The following SORL1 variants were observed in gnomAD, a reference collection of about 807,000 sequenced individuals.
SORL1 encodes the protein sortilin-related receptor.
SORL1 carries 127 observed loss-of-function variants against 273.7 expected under a neutral mutation model. That is an observed-to-expected ratio of 0.46 (90% CI 0.40 to 0.54). SORL1 has a LOEUF of 0.54. SORL1 is among the 20% of genes least tolerant of loss of function. The pLI is 0.00. For missense variants in SORL1, 2,494 were observed against 2,846.1 expected, an observed-to-expected ratio of 0.88 and a Z score of 2.81; for synonymous variants, 1,031 against 1,067.4, an observed-to-expected ratio of 0.97 and a Z score of 0.66.
chr11:121,551,883 C>G (rs1292101208), intron 16 of SORL1, among the ~76,000 whole-genome samples: 1 of 152,206 alleles, frequency 6.6e-6, no homozygotes, highest in African/African-American at 2.4e-5. Flanking sequence ...AGATAATATT[C>G]AAATATTTCC....
intron 14 of SORL1, among the ~76,000 whole-genome samples, chr11:121,548,543 T>C (rs1355151379): frequency 6.6e-6 from 1 of 152,204 alleles, no homozygotes; most frequent in Non-Finnish European, 1.5e-5. Context: ...CAGAAATGTT[T>C]AATGAATATT....
intron 6 of SORL1, among the ~76,000 whole-genome samples, chr11:121,502,486 C>T (rs1861726637): frequency 6.6e-6 from 1 of 152,128 alleles, no homozygotes; most frequent in South Asian, 2.1e-4. Context: ...TTTTCCAAAA[C>T]TATTGTACCA....
intron 18 of SORL1, among the ~76,000 whole-genome samples, chr11:121,556,489 A>G (rs556626357): frequency 3.3e-5 from 5 of 152,094 alleles, no homozygotes; most frequent in Non-Finnish European, 5.9e-5. Context: ...CTCGGTGGTT[A>G]TGTTATTGCT....
intron 3 of SORL1, among the ~76,000 whole-genome samples, chr11:121,478,873 T>G (rs1363554449): frequency 6.6e-6 from 1 of 151,824 alleles, no homozygotes; most frequent in African/African-American, 2.4e-5. Flanking sequence ...TATGCACATA[T>G]GGGTACCTGT....
chr11:121,611,046 T>G (rs1394708507), intron 38 of SORL1, 30 bp from the exon 39 acceptor site: 1 of 1,515,532 alleles, frequency 6.6e-7, no homozygotes, highest in Admixed American at 1.7e-5. Flanking sequence ...ATCACGTGGC[T>G]TCTGTTTTTG....
At chr11:121,529,449 T>C (rs759360963) in intron 11 of SORL1, among the ~76,000 whole-genome samples, 2 of 152,218 alleles carry the variant, frequency 1.3e-5, no homozygotes, top group Non-Finnish European at 2.9e-5. Context: ...ACTCCTGACC[T>C]CAAGTGATCC....
At chr11:121,577,080 C>T (rs1054591029) in intron 24 of SORL1, 1 of 1,104,822 alleles carries the variant, frequency 9.1e-7, no homozygotes, top group Non-Finnish European at 1.3e-6. Context: ...AATCTCAGCC[C>T]ACCTGTAACC....
At chr11:121,569,945 T>A (rs1862812935) in intron 22 of SORL1, among the ~76,000 whole-genome samples, 2 of 152,308 alleles carry the variant, frequency 1.3e-5, no homozygotes, top group Middle Eastern at 3.4e-3. Flanking sequence ...TCTCTTTTTT[T>A]ACGCTGTCCC....
chr11:121,598,003 G>A (rs921076088), intron 32 of SORL1, among the ~76,000 whole-genome samples: 5 of 152,164 alleles, frequency 3.3e-5, no homozygotes, highest in African/African-American at 1.2e-4. Context: ...AAGGCTCAGA[G>A]GCATAAGAAA....
intron 12 of SORL1, 127 bp from the exon 13 acceptor site, chr11:121,543,421 C>A: frequency 1.4e-6 from 1 of 712,874 alleles, no homozygotes; most frequent in Non-Finnish European, 2.4e-6. Context: ...ACTTTCCCTG[C>A]CTTAGCCCAG....
chr11:121,559,432 C>A, intron 20 of SORL1, 87 bp from the exon 21 acceptor site: 2 of 1,381,602 alleles, frequency 1.4e-6, no homozygotes, highest in Non-Finnish European at 2.0e-6. Flanking sequence ...TGTTAGTTGT[C>A]TCCTGCCTGG....
At chr11:121,581,930 A>T (rs1863020927) in intron 25 of SORL1, among the ~76,000 whole-genome samples, 1 of 152,254 alleles carries the variant, frequency 6.6e-6, no homozygotes, top group Admixed American at 6.5e-5. Flanking sequence ...TGACACGAAT[A>T]AATCAAAAGT....
At chr11:121,589,638 A>G (rs949611043) in intron 29 of SORL1, among the ~76,000 whole-genome samples, 1 of 152,212 alleles carries the variant, frequency 6.6e-6, no homozygotes, top group African/African-American at 2.4e-5. Context: ...CACATTATGT[A>G]TAAGGAAGGT....
intron 40 of SORL1, among the ~76,000 whole-genome samples, chr11:121,614,090 T>C (rs377308290): frequency 6.6e-6 from 1 of 152,264 alleles, no homozygotes; most frequent in South Asian, 2.1e-4. Flanking sequence ...AAAGGCTATC[T>C]TGTTAGCGTA....
intron 30 of SORL1, 180 bp from the exon 31 acceptor site, chr11:121,590,821 T>C (rs761628914): frequency 1.3e-6 from 1 of 780,704 alleles, no homozygotes. Context: ...ATATTGCCTC[T>C]TCTGACAACC....
chr11:121,540,769 T>A (rs1459865982), intron 12 of SORL1, among the ~76,000 whole-genome samples: 1 of 152,232 alleles, frequency 6.6e-6, no homozygotes, highest in African/African-American at 2.4e-5. Flanking sequence ...ATTTCATTAA[T>A]GAGTTATTGT....
chr11:121,579,985 T>C (rs145494604), intron 25 of SORL1, among the ~76,000 whole-genome samples: 1,559 of 152,312 alleles, frequency 0.01, 19 homozygotes, highest in African/African-American at 0.036. Context: ...AATTCTTCCA[T>C]TTCTTCCTGG....
At chr11:121,587,245 A>G (rs557103928) in intron 27 of SORL1, among the ~76,000 whole-genome samples, 1 of 152,280 alleles carries the variant, frequency 6.6e-6, no homozygotes, top group East Asian at 1.9e-4. Flanking sequence ...ACTTTAAGGA[A>G]CCATCATGCA....
Position 121,532,497 on chromosome 11 carries a change from G to A in SORL1, c.1630G>A (p.Asp544Asn), listed in dbSNP as rs758683402. 4.3e-6 allele frequency: 7 copies of A among 1,614,136 alleles called. No homozygotes were observed. The highest frequency in any genetic ancestry group is 5.9e-6 in the Non-Finnish European group (7 of 1,180,002). ...TGGACCTCACTACTACACATGGGGA[G>A]ACCACGGCGGAATCATCACGGCCAT... ...LPGPHYYTWG[D>N]HGGIITAIAQ... Residue 544 changes from aspartate (D) to asparagine (N), a missense_variant, in exon 12 of 48, where the codon GAC becomes AAC. By Grantham distance (23) the Asp-to-Asn change is conservative. This residue lies in a region of SORL1 where 710 missense variants were observed against 882.5 expected (regional missense o/e 0.80). Coordinates refer to ENST00000260197, the MANE Select transcript of SORL1 (RefSeq NM_003105.6).
Sources: allele counts gnomAD v4.1 joint callset (sites outside exome capture counted in the v4.1 genomes callset), GRCh38; gene constraint gnomAD v4.1.1; regional missense constraint gnomAD v4.1.1; transcripts MANE v1.5; gene names NCBI Gene and HGNC (gene_info 2026-07-23, HGNC 2026-07-21).